GALNT17: variants seen among roughly 807,000 people sequenced by gnomAD.
The protein encoded by GALNT17 is UDP-GalNAc:polypeptide N-acetylgalactosaminyltransferase-like 3.
In GALNT17, 29 loss-of-function variants were observed where a neutral mutation model predicts 63.7. The observed-to-expected ratio is 0.46, with a 90% CI of 0.34 to 0.62. The LOEUF is 0.62. Ranked by LOEUF, GALNT17 falls within the 20% of genes least tolerant of loss-of-function variation. GALNT17 has a pLI of 0.01. For synonymous variants in GALNT17, 305 were observed against 318.3 expected (o/e 0.96, Z 0.45); for missense variants, 603 against 799.6 (o/e 0.75, Z 2.97).
At chr7:71,302,990 A>T (rs755170266) in intron 1 of GALNT17, among the ~76,000 whole-genome samples, 2 of 151,938 alleles carry the variant, frequency 1.3e-5, no homozygotes, top group Non-Finnish European at 2.9e-5. Context: ...TCAGCCTCCC[A>T]AGTAGCTGGG....
At position 71,320,321 on chromosome 7, in the gene GALNT17, C is replaced by T. The variant is rs568424533; in HGVS notation, c.239-15229C>T. On this transcript the variant is annotated intron_variant, in intron 1 of 10. Coordinates refer to ENST00000333538, the MANE Select transcript of GALNT17 (RefSeq NM_022479.3). Reference sequence around the variant, plus strand: ...GCACAATCACAGTTCACTTCAACCTCGACCTCTTGGGCTCAAGCAATCCTC... The same window carrying T: ...GCACAATCACAGTTCACTTCAACCTTGACCTCTTGGGCTCAAGCAATCCTC... Among the ~76,000 whole-genome samples the T allele has an allele frequency of 3.9e-5, 6 of 151,988 alleles. 1 individual carries two copies. The Middle Eastern group carries it at 0.014, about 345-fold the overall frequency.
At chr7:71,550,741 G>A (rs1789063161) in intron 5 of GALNT17, among the ~76,000 whole-genome samples, 1 of 152,074 alleles carries the variant, frequency 6.6e-6, no homozygotes, top group African/African-American at 2.4e-5. Flanking sequence ...ATCATGGACT[G>A]TGCCAAAATA....
At chr7:71,325,257 T>A (rs761401343) in intron 1 of GALNT17, among the ~76,000 whole-genome samples, 43 of 152,142 alleles carry the variant, frequency 2.8e-4, no homozygotes, top group Non-Finnish European at 5.4e-4. Context: ...TAGCATAAGG[T>A]AGGATCTCCC....
chr7:71,141,239 C>A (rs529696349), intron 1 of GALNT17, among the ~76,000 whole-genome samples: 1 of 151,686 alleles, frequency 6.6e-6, no homozygotes, highest in Non-Finnish European at 1.5e-5. Context: ...TGGTGGCAAG[C>A]GCCTGTAATC....
intron 1 of GALNT17, among the ~76,000 whole-genome samples, chr7:71,173,760 G>A (rs1211264843): frequency 1.3e-5 from 2 of 151,720 alleles, no homozygotes; most frequent in East Asian, 3.9e-4. Context: ...GCGATAGGGC[G>A]AGACTCTGTC....
chr7:71,193,384 G>A (rs915372138), intron 1 of GALNT17, among the ~76,000 whole-genome samples: 1 of 150,870 alleles, frequency 6.6e-6, no homozygotes, highest in African/African-American at 2.4e-5. Context: ...ACAGGTGTAA[G>A]CCACCACACT....
chr7:71,162,930 G>C (rs11765922), intron 1 of GALNT17, among the ~76,000 whole-genome samples: 4,470 of 152,278 alleles, frequency 0.029, 141 homozygotes, highest in Non-Finnish European at 0.038. Flanking sequence ...TGCTTTGTAA[G>C]GATGACTCTA....
chr7:71,413,661 C>T (rs1200930110), intron 3 of GALNT17, among the ~76,000 whole-genome samples: 1 of 151,814 alleles, frequency 6.6e-6, no homozygotes, highest in Non-Finnish European at 1.5e-5. Flanking sequence ...AATTTTTAAA[C>T]GTATCTCATC....
chr7:71,415,776 C>A (rs1393274859), intron 3 of GALNT17, 113 bp from the exon 4 acceptor site: 3 of 1,223,128 alleles, frequency 2.5e-6, no homozygotes, highest in Non-Finnish European at 3.3e-6. Flanking sequence ...TACTAACATG[C>A]GATTTTTTTT....
intron 5 of GALNT17, among the ~76,000 whole-genome samples, chr7:71,505,143 C>T (rs1049664459): frequency 6.6e-6 from 1 of 152,162 alleles, no homozygotes; most frequent in Non-Finnish European, 1.5e-5. Context: ...CTCTTTATCC[C>T]CAATTTGAAC....
At chr7:71,523,940 A>C (rs1788572986) in intron 5 of GALNT17, among the ~76,000 whole-genome samples, 1 of 151,146 alleles carries the variant, frequency 6.6e-6, no homozygotes, top group Non-Finnish European at 1.5e-5. Flanking sequence ...CAACATGGTG[A>C]AACCCCATCT....
At chr7:71,532,951 G>A (rs965689621) in intron 5 of GALNT17, among the ~76,000 whole-genome samples, 1 of 152,148 alleles carries the variant, frequency 6.6e-6, no homozygotes, top group African/African-American at 2.4e-5. Context: ...ACTGGGGAGA[G>A]TGTGTGCCCC....
intron 5 of GALNT17, among the ~76,000 whole-genome samples, chr7:71,497,881 T>C (rs992571754): frequency 2.0e-5 from 3 of 152,106 alleles, no homozygotes; most frequent in Admixed American, 2.0e-4. Flanking sequence ...GGCTGAAACT[T>C]AGAGAAACAA....
At chr7:71,467,524 A>G (rs554269213) in intron 5 of GALNT17, among the ~76,000 whole-genome samples, 8 of 152,162 alleles carry the variant, frequency 5.3e-5, no homozygotes, top group Admixed American at 2.6e-4. Context: ...TGCAAAAGCA[A>G]GGAGTCTTAT....
At chr7:71,269,591 C>T (rs73173993) in intron 1 of GALNT17, among the ~76,000 whole-genome samples, 55 of 152,124 alleles carry the variant, frequency 3.6e-4, no homozygotes, top group Non-Finnish European at 5.7e-4. Context: ...TGCCACTGCT[C>T]ATCTGTCTGC....
chr7:71,316,361 G>T (rs1355878020), intron 1 of GALNT17, among the ~76,000 whole-genome samples: 1 of 151,942 alleles, frequency 6.6e-6, no homozygotes, highest in African/African-American at 2.4e-5. Flanking sequence ...GGTGGGGTGC[G>T]ACTGGGAAGT....
intron 1 of GALNT17, among the ~76,000 whole-genome samples, chr7:71,139,608 C>T (rs2116159578): frequency 6.6e-6 from 1 of 152,232 alleles, no homozygotes; most frequent in South Asian, 2.1e-4. Flanking sequence ...CACCACAACC[C>T]ACCCAACAGA....
intron 5 of GALNT17, among the ~76,000 whole-genome samples, chr7:71,525,015 T>TA (rs1178284665): frequency 6.6e-6 from 1 of 152,222 alleles, no homozygotes; most frequent in Non-Finnish European, 1.5e-5. Context: ...ACTTCTTTTA[T>TA]TGGTTTTTAT....
At chr7:71,449,893 T>C (rs1292965563) in intron 5 of GALNT17, among the ~76,000 whole-genome samples, 1 of 151,624 alleles carries the variant, frequency 6.6e-6, no homozygotes, top group Non-Finnish European at 1.5e-5. Flanking sequence ...AATACAAAAT[T>C]AGCCAGTCGT....
Sources: gnomAD v4.1 joint callset for allele counts (sites outside exome capture counted in the v4.1 genomes callset) on GRCh38, gnomAD v4.1.1 for gene constraint, MANE v1.5 for transcripts, NCBI Gene and HGNC (gene_info 2026-07-23, HGNC 2026-07-21) for gene names.